The following TAFA4 variants were observed in gnomAD, a reference collection of about 807,000 sequenced individuals.
The protein encoded by TAFA4 is chemokine-like protein TAFA-4.
A neutral mutation model predicts 21.1 loss-of-function variants in TAFA4; 20 were observed. The observed-to-expected ratio is 0.95, with a 90% CI of 0.67 to 1.38. The LOEUF is 1.38. Ranked by LOEUF, TAFA4 falls within the 40% of genes most tolerant of loss-of-function variation. The pLI is 0.00. For synonymous variants in TAFA4, 71 were observed against 67.4 expected (o/e 1.05, Z -0.26); for missense variants, 211 against 180.9 (o/e 1.17, Z -0.95).
intron 3 of TAFA4, among the ~76,000 whole-genome samples, chr3:68,801,107 G>C (rs1033969332): frequency 2.0e-5 from 3 of 152,064 alleles, no homozygotes; most frequent in Non-Finnish European, 4.4e-5. Context: ...ACTTCTTCTG[G>C]ATTTAAATCC....
intron 3 of TAFA4, among the ~76,000 whole-genome samples, chr3:68,763,556 A>G (rs1416648403): frequency 6.6e-6 from 1 of 152,178 alleles, no homozygotes; most frequent in Non-Finnish European, 1.5e-5. Context: ...ACACAAAAAA[A>G]TACTATATTC....
intron 3 of TAFA4, among the ~76,000 whole-genome samples, chr3:68,781,948 A>C (rs977115569): frequency 1.3e-5 from 2 of 152,222 alleles, no homozygotes; most frequent in African/African-American, 2.4e-5. Flanking sequence ...TTTAGCAATG[A>C]ATTCTTAGAT....
At chr3:68,736,126 C>T (rs994081337) in intron 5 of TAFA4, among the ~76,000 whole-genome samples, 3 of 152,078 alleles carry the variant, frequency 2.0e-5, no homozygotes, top group African/African-American at 4.8e-5. Context: ...CTTCTGCTCA[C>T]AAACAAGATA....
At chr3:68,747,622 C>T (rs570222430) in intron 4 of TAFA4, among the ~76,000 whole-genome samples, 8 of 152,212 alleles carry the variant, frequency 5.3e-5, no homozygotes, top group South Asian at 4.1e-4. Flanking sequence ...TTATTAGCAG[C>T]GTGAGACTAA....
chr3:68,805,559 T>C (rs1703676579), intron 3 of TAFA4, among the ~76,000 whole-genome samples: 2 of 152,214 alleles, frequency 1.3e-5, no homozygotes, highest in African/African-American at 4.8e-5. Context: ...CCAACCCAAA[T>C]GTCCAACAAC....
At chr3:68,767,314 C>A (rs1254146885) in intron 3 of TAFA4, among the ~76,000 whole-genome samples, 1 of 151,918 alleles carries the variant, frequency 6.6e-6, no homozygotes. Context: ...GAAAGGAAGC[C>A]CCAGACTCAG....
At chr3:68,887,678 G>C (rs2089686820) in intron 1 of TAFA4, among the ~76,000 whole-genome samples, 1 of 152,056 alleles carries the variant, frequency 6.6e-6, no homozygotes, top group Non-Finnish European at 1.5e-5. Context: ...CTGAAGCTCT[G>C]GCACTAGCTG....
chr3:68,819,603 T>C (rs1559532170), intron 3 of TAFA4, among the ~76,000 whole-genome samples: 1 of 152,174 alleles, frequency 6.6e-6, no homozygotes, highest in African/African-American at 2.4e-5. Flanking sequence ...AACAACTCAA[T>C]AGTAAGAAAA....
intron 3 of TAFA4, among the ~76,000 whole-genome samples, chr3:68,809,493 A>G (rs925186399): frequency 1.4e-4 from 21 of 150,230 alleles, no homozygotes; most frequent in Admixed American, 4.0e-4. Flanking sequence ...GAAATCTAAA[A>G]TATTATTAAT....
At chr3:68,856,004 C>T (rs1331849899) in intron 3 of TAFA4, among the ~76,000 whole-genome samples, 1 of 152,062 alleles carries the variant, frequency 6.6e-6, no homozygotes, top group Admixed American at 6.6e-5. Flanking sequence ...ACAAAACTCC[C>T]AAACTAAGAT....
At chr3:68,765,966 C>T (rs1702846435) in intron 3 of TAFA4, among the ~76,000 whole-genome samples, 1 of 152,102 alleles carries the variant, frequency 6.6e-6, no homozygotes, top group Non-Finnish European at 1.5e-5. Flanking sequence ...CATTCCCATC[C>T]ATATTCAGAG....
At chr3:68,764,490 AG>A (rs1702811967) in intron 3 of TAFA4, among the ~76,000 whole-genome samples, 2 of 152,330 alleles carry the variant, frequency 1.3e-5, no homozygotes, top group South Asian at 4.1e-4. Context: ...GGCTGAAAAA[AG>A]GTGAAATGAT....
At chr3:68,882,592 T>G (rs765248770) in intron 2 of TAFA4, among the ~76,000 whole-genome samples, 6 of 152,170 alleles carry the variant, frequency 3.9e-5, no homozygotes, top group Non-Finnish European at 8.8e-5. Flanking sequence ...AATAAGCCTT[T>G]GTAACAAATA....
chr3:68,853,756 T>C (rs988298349), intron 3 of TAFA4, among the ~76,000 whole-genome samples: 2 of 152,170 alleles, frequency 1.3e-5, no homozygotes, highest in South Asian at 2.1e-4. Context: ...AGGCCCCAAG[T>C]TGGAGGCATT....
intron 5 of TAFA4, among the ~76,000 whole-genome samples, chr3:68,737,578 A>G (rs990226203): frequency 2.0e-5 from 3 of 152,328 alleles, no homozygotes; most frequent in Middle Eastern, 3.4e-3. Flanking sequence ...CTGGGGTATA[A>G]TATCAGCTAA....
At chr3:68,835,439 G>A (rs147372621) in intron 3 of TAFA4, among the ~76,000 whole-genome samples, 4 of 152,336 alleles carry the variant, frequency 2.6e-5, no homozygotes, top group Admixed American at 6.5e-5. Flanking sequence ...AATGAACGAC[G>A]TAGAAGTATA....
At chr3:68,880,399 G>A (rs2089601718) in intron 3 of TAFA4, among the ~76,000 whole-genome samples, 1 of 150,976 alleles carries the variant, frequency 6.6e-6, no homozygotes, top group Admixed American at 6.6e-5. Flanking sequence ...TGGATGGATG[G>A]ATGGGCAGAT....
intron 3 of TAFA4, among the ~76,000 whole-genome samples, chr3:68,844,334 G>C (rs1369803993): frequency 1.3e-5 from 2 of 152,116 alleles, no homozygotes; most frequent in Non-Finnish European, 2.9e-5. Context: ...TCTGATGGTA[G>C]TTTATATTTC....
chr3:68,765,778 G>C (rs1702842030), intron 3 of TAFA4, among the ~76,000 whole-genome samples: 1 of 152,130 alleles, frequency 6.6e-6, no homozygotes, highest in Non-Finnish European at 1.5e-5. Context: ...GCCTTTTGGA[G>C]GATGGAAAGC....
Sources: gnomAD v4.1 joint callset for allele counts (sites outside exome capture counted in the v4.1 genomes callset) on GRCh38, gnomAD v4.1.1 for gene constraint, MANE v1.5 for transcripts, NCBI Gene and HGNC (gene_info 2026-07-23, HGNC 2026-07-21) for gene names.